Variants in DNAH10 observed in about 807,000 individuals in gnomAD.
DNAH10 encodes axonemal beta dynein heavy chain 10.
A neutral mutation model predicts 506.6 loss-of-function variants in DNAH10; 348 were observed. The ratio of observed to expected loss-of-function variants is 0.69; its 90% confidence interval spans 0.63 to 0.75. The LOEUF (loss-of-function observed/expected upper bound fraction) is 0.75. Ranked by LOEUF, DNAH10 falls within the 30% of genes least tolerant of loss-of-function variation. The pLI, the probability that DNAH10 is intolerant of heterozygous loss-of-function variation, is 0.00. For missense variants in DNAH10, 5,179 were observed against 5,787.1 expected (o/e 0.89, Z 3.41); for synonymous variants, 2,059 against 2,198.6 (o/e 0.94, Z 1.78).
chr12:123,813,173 C>T lies in DNAH10; in HGVS notation c.3154C>T (p.Arg1052Cys), dbSNP rs757691040. 2.8e-5 allele frequency: 45 copies of T among 1,600,118 alleles called. No individual in the cohort carries two copies. In the South Asian group the frequency reaches 3.9e-4, roughly 14 times the overall value. Residue 1052 changes from arginine to cysteine, a missense_variant, in exon 20 of 79, where the codon CGT becomes TGT. Around this residue, in one of 3 missense-constraint regions of DNAH10, gnomAD observed 4,844 missense variants for 5,430.5 expected, o/e 0.89. Transcript: ENST00000673944. ...ATTCTTACTTTGCCAGCATTTTGTT[C>T]GTTGGATGAATGGCAGCTGCATAGA... ...NCVEITKHFV[R>C]WMNGSCIECP...
chr12:123,806,395 A>G (rs927457872), intron 18 of DNAH10, among the ~76,000 whole-genome samples: 5 of 152,214 alleles, frequency 3.3e-5, no homozygotes, highest in African/African-American at 1.2e-4. Flanking sequence ...CCACACAGCC[A>G]GTAAGAGAAA....
intron 54 of DNAH10, among the ~76,000 whole-genome samples, chr12:123,896,425 A>G (rs1008189852): frequency 2.6e-5 from 4 of 152,118 alleles, no homozygotes; most frequent in African/African-American, 9.7e-5. Flanking sequence ...TTAACAACCT[A>G]TCAGATAATC....
intron 10 of DNAH10, 58 bp downstream of exon 10, chr12:123,788,060 C>T (rs1404130277): frequency 1.3e-6 from 2 of 1,539,132 alleles, no homozygotes; most frequent in Non-Finnish European, 1.8e-6. Context: ...TGGCTTTTGA[C>T]AGTGGCCCCC....
intron 78 of DNAH10, 194 bp downstream of exon 78, chr12:123,934,960 G>T: frequency 1.4e-6 from 1 of 704,286 alleles, no homozygotes. Context: ...GTATGTGTGT[G>T]TGGATGCCGG....
rs1169118092 is a variant in DNAH10, at chr12:123,794,034, G to A, written c.1908G>A (p.Lys636=). 24 of 1,286,796 alleles carry A rather than the reference G, an allele frequency of 1.9e-5. No homozygotes were observed. The highest frequency in any genetic ancestry group is 2.4e-5 in the Non-Finnish European group (24 of 987,108). 79.7% of individuals were successfully genotyped at this position (1,286,796 alleles called of 1,614,324 possible). A position where few individuals can be genotyped will look rare whatever the true frequency, so the allele number is the denominator to read the frequency against. Residue 636 remains lysine (K), a synonymous_variant, in exon 12 of 79, where the codon AAG becomes AAA. Coordinates refer to ENST00000673944, the MANE Select transcript of DNAH10 (RefSeq NM_001372106.1). ...EAAFDMLLKF[K]HIRSREAVNR... The stretch of plus-strand genomic sequence containing the variant: ...CATTTGACATGCTTTTAAAATTTAA[G>A]CACATTCGTTCACGGGAGGCTGTTA...
At position 123,924,263 on chromosome 12, in the gene DNAH10, T is replaced by C; in HGVS notation, c.11612-15T>C. On this transcript the variant is annotated splice_polypyrimidine_tract_variant and intron_variant, in intron 66 of 78. Coordinates refer to ENST00000673944, the MANE Select transcript of DNAH10 (RefSeq NM_001372106.1). Reference sequence around the variant, plus strand: ...GTGGTACAATGGCTGCTTGCTTCTCTTCTGTTGTGATTAGGAAACATTTCC... The same window carrying C: ...GTGGTACAATGGCTGCTTGCTTCTCCTCTGTTGTGATTAGGAAACATTTCC... The C allele has an allele frequency of 1.2e-6, 2 of 1,601,246 alleles. No homozygotes were observed. The highest frequency in any genetic ancestry group is 2.2e-5 in the South Asian group (2 of 89,964).
At chr12:123,799,191 G>GTATC in intron 13 of DNAH10, 55 bp from the exon 14 acceptor site, 2 of 1,502,202 alleles carry the variant, frequency 1.3e-6, no homozygotes, top group East Asian at 2.3e-5. Flanking sequence ...TGTAGAGCGA[G>GTATC]ATGAAAAATG....
chr12:123,841,295 T>C (rs1014223318), intron 29 of DNAH10, 27 bp from the exon 30 acceptor site: 11 of 1,608,194 alleles, frequency 6.8e-6, no homozygotes, highest in Non-Finnish European at 9.4e-6. Context: ...GTGCAGGTCT[T>C]ACAGGGCTGC....
chr12:123,767,989 C>A (rs1566310606), intron 2 of DNAH10, among the ~76,000 whole-genome samples: 1 of 152,156 alleles, frequency 6.6e-6, no homozygotes, highest in Non-Finnish European at 1.5e-5. Context: ...AGGGGAGGAT[C>A]CTTCCTAGCC....
intron 18 of DNAH10, among the ~76,000 whole-genome samples, chr12:123,805,646 C>T (rs1234980108): frequency 2.0e-5 from 3 of 152,168 alleles, no homozygotes; most frequent in East Asian, 1.9e-4. Context: ...TCACCGTTAC[C>T]GTCACGTCTA....
chr12:123,848,668 A>G (rs1271400066), intron 33 of DNAH10, 62 bp from the exon 34 acceptor site: 2 of 1,596,470 alleles, frequency 1.3e-6, no homozygotes, highest in Non-Finnish European at 1.7e-6. Context: ...ATATCCATAA[A>G]TGTGTTGCTT....
At chr12:123,766,908 CTTTTTTTT>C (rs374930458) in intron 1 of DNAH10, among the ~76,000 whole-genome samples, 1 of 137,932 alleles carries the variant, frequency 7.2e-6, no homozygotes. Context: ...TTTCTTTTTT[CTTTTTTTT>C]TTTTTTTGAG....
chr12:123,887,408 G>A (rs1952784880), intron 52 of DNAH10, 95 bp downstream of exon 52: 2 of 1,420,518 alleles, frequency 1.4e-6, no homozygotes, highest in Non-Finnish European at 1.9e-6. Flanking sequence ...AGACACTGTG[G>A]GTAGCCCTGT....
At chr12:123,934,930 T>C in intron 78 of DNAH10, 164 bp downstream of exon 78, 1 of 959,456 alleles carries the variant, frequency 1.0e-6, no homozygotes, top group Non-Finnish European at 1.5e-6. Context: ...GGATAGCTGC[T>C]TCCTGGAAAA....
At chr12:123,833,688 C>G (rs1292102734) in intron 27 of DNAH10, among the ~76,000 whole-genome samples, 1 of 152,158 alleles carries the variant, frequency 6.6e-6, no homozygotes, top group Admixed American at 6.5e-5. Context: ...ACTTATTTTA[C>G]ATTCCTTTTC....
intron 24 of DNAH10, among the ~76,000 whole-genome samples, chr12:123,826,392 C>G (rs1959994109): frequency 1.3e-5 from 2 of 152,144 alleles, no homozygotes; most frequent in Admixed American, 1.3e-4. Context: ...TTAAAAAACA[C>G]CTGTTAATTA....
chr12:123,862,917 C>G (rs1951666623), intron 39 of DNAH10, among the ~76,000 whole-genome samples: 1 of 151,988 alleles, frequency 6.6e-6, no homozygotes. Context: ...TCAAATGATT[C>G]AGAGAGAGAG....
intron 13 of DNAH10, among the ~76,000 whole-genome samples, chr12:123,797,696 C>T (rs1958333023): frequency 1.3e-5 from 2 of 152,228 alleles, no homozygotes; most frequent in South Asian, 4.1e-4. Flanking sequence ...TGCACCTGGC[C>T]TGTGTTCTTT....
At chr12:123,817,947 C>G (rs1213807603) in intron 21 of DNAH10, among the ~76,000 whole-genome samples, 1 of 148,390 alleles carries the variant, frequency 6.7e-6, no homozygotes, top group Non-Finnish European at 1.5e-5. Context: ...ATTTCTTTTT[C>G]TCTTTTTTTT....
Sources: gnomAD v4.1 joint callset for allele counts (sites outside exome capture counted in the v4.1 genomes callset) on GRCh38, gnomAD v4.1.1 for gene constraint, gnomAD v4.1.1 regional missense constraint, MANE v1.5 for transcripts, NCBI Gene and HGNC (gene_info 2026-07-23, HGNC 2026-07-21) for gene names.